RAD51B: variants seen among roughly 807,000 people sequenced by gnomAD.
RAD51B encodes the protein DNA repair protein RAD51 homolog 2.
Under a neutral mutation model 42.2 loss-of-function variants are expected in RAD51B, and 38 were observed. That is an observed-to-expected ratio of 0.90 (90% confidence interval 0.70 to 1.18). RAD51B has a LOEUF of 1.18. RAD51B is among the 50% of genes most tolerant of loss of function. The pLI is 0.00. For missense variants in RAD51B, 373 were observed against 400.7 expected, an observed-to-expected ratio of 0.93 and a Z score of 0.59; for synonymous variants, 154 against 145.2, an observed-to-expected ratio of 1.06 and a Z score of -0.43.
chr14:68,134,782 T>TTTAA (rs2077974394), intron 7 of RAD51B, among the ~76,000 whole-genome samples: 1 of 152,050 alleles, frequency 6.6e-6, no homozygotes, highest in African/African-American at 2.4e-5. Flanking sequence ...TTATTTGATT[T>TTTAA]TTTTAATGTT....
At chr14:68,422,136 A>T in intron 9 of RAD51B, 1 of 1,409,076 alleles carries the variant, frequency 7.1e-7, no homozygotes, top group Non-Finnish European at 1.0e-6. Flanking sequence ...AGCTCGAAGG[A>T]GACATGGCCC....
At chr14:68,330,249 G>A (rs562045393) in intron 8 of RAD51B, among the ~76,000 whole-genome samples, 2 of 152,290 alleles carry the variant, frequency 1.3e-5, no homozygotes, top group South Asian at 4.1e-4. Context: ...TCTCTGAAGA[G>A]CGATGAAAGT....
intron 8 of RAD51B, among the ~76,000 whole-genome samples, chr14:68,338,443 G>A (rs1055752913): frequency 2.6e-5 from 4 of 152,230 alleles, no homozygotes; most frequent in South Asian, 4.1e-4. Flanking sequence ...ACATTTGTAC[G>A]TCCTTAGTTC....
chr14:67,936,039 A>G (rs1297637615), intron 7 of RAD51B, among the ~76,000 whole-genome samples: 2 of 151,680 alleles, frequency 1.3e-5, no homozygotes, highest in Non-Finnish European at 2.9e-5. Flanking sequence ...CTTATAAAGG[A>G]CACATTATAA....
chr14:68,190,037 GATTTCAAATTAATTTCAAAATA>G (rs984381943), intron 7 of RAD51B, among the ~76,000 whole-genome samples: 2 of 152,202 alleles, frequency 1.3e-5, no homozygotes, highest in Admixed American at 6.5e-5. Flanking sequence ...GAAGTGGAAT[GATTTCAAATTAATTTCAAAATA>G]ATTTCAAATT....
intron 10 of RAD51B, among the ~76,000 whole-genome samples, chr14:68,571,563 GC>G (rs1889701968): frequency 6.6e-6 from 1 of 152,038 alleles, no homozygotes; most frequent in Non-Finnish European, 1.5e-5. Flanking sequence ...TTCCTCTTCT[GC>G]CTCCCTCTTC....
intron 8 of RAD51B, among the ~76,000 whole-genome samples, chr14:68,330,517 G>A (rs1436898291): frequency 6.6e-6 from 1 of 152,168 alleles, no homozygotes; most frequent in Non-Finnish European, 1.5e-5. Context: ...TTACCAGATT[G>A]AGGATGTACT....
chr14:68,449,451 T>C (rs1453680808), intron 9 of RAD51B, among the ~76,000 whole-genome samples: 2 of 152,342 alleles, frequency 1.3e-5, no homozygotes, highest in East Asian at 3.9e-4. Flanking sequence ...TGTCTTTTAG[T>C]AAGGCCCACC....
chr14:68,070,892 TATTG>T (rs1473144563), intron 7 of RAD51B, among the ~76,000 whole-genome samples: 2 of 152,168 alleles, frequency 1.3e-5, no homozygotes, highest in Admixed American at 1.3e-4. Context: ...ATTTTAACAA[TATTG>T]ATTCTTCTTA....
At chr14:68,053,303 T>C (rs1479240660) in intron 7 of RAD51B, among the ~76,000 whole-genome samples, 2 of 152,174 alleles carry the variant, frequency 1.3e-5, no homozygotes, top group Non-Finnish European at 2.9e-5. Context: ...GAAATTTACT[T>C]TGGAACTTAG....
intron 7 of RAD51B, among the ~76,000 whole-genome samples, chr14:68,115,544 A>T (rs1489994827): frequency 8.7e-6 from 1 of 114,790 alleles, no homozygotes; most frequent in Non-Finnish European, 1.6e-5. Context: ...TTAAAGTATA[A>T]AAAAAAAAAA....
At chr14:68,110,208 T>C (rs7147522) in intron 7 of RAD51B, among the ~76,000 whole-genome samples, 15,750 of 151,826 alleles carry the variant, frequency 0.1, 2,484 homozygotes, top group African/African-American at 0.34. Context: ...TAGGCTTGTT[T>C]TTTGAGGCAC....
chr14:68,501,201 A>G (rs1225845515), intron 10 of RAD51B, among the ~76,000 whole-genome samples: 2 of 152,210 alleles, frequency 1.3e-5, no homozygotes, highest in African/African-American at 4.8e-5. Context: ...AGATAAAGTC[A>G]GGCAAGGCTG....
intron 10 of RAD51B, among the ~76,000 whole-genome samples, chr14:68,578,701 A>G (rs958261881): frequency 6.6e-6 from 1 of 152,248 alleles, no homozygotes; most frequent in East Asian, 1.9e-4. Flanking sequence ...CAGGAAGGTG[A>G]AGCCCAAAAT....
intron 7 of RAD51B, among the ~76,000 whole-genome samples, chr14:68,040,595 A>G (rs1260208145): frequency 1.3e-5 from 2 of 152,226 alleles, no homozygotes; most frequent in African/African-American, 4.8e-5. Flanking sequence ...CTAGGCATTA[A>G]GTTAAATTGT....
intron 7 of RAD51B, among the ~76,000 whole-genome samples, chr14:68,183,717 G>A (rs150256963): frequency 6.6e-6 from 1 of 152,166 alleles, no homozygotes; most frequent in Non-Finnish European, 1.5e-5. Context: ...AAAGCCCAAG[G>A]TGGGAGGATT....
intron 10 of RAD51B, among the ~76,000 whole-genome samples, chr14:68,525,621 A>T (rs1886874212): frequency 6.6e-6 from 1 of 152,112 alleles, no homozygotes; most frequent in African/African-American, 2.4e-5. Flanking sequence ...CTTCTTGACG[A>T]GTGATGTTCC....
At chr14:68,338,616 A>G (rs558248085) in intron 8 of RAD51B, 37 of 296,796 alleles carry the variant, frequency 1.2e-4, no homozygotes, top group Admixed American at 7.7e-4. Context: ...TTTGGAGGCT[A>G]TTTAGCTATC....
chr14:67,990,688 A>T (rs2075280750), intron 7 of RAD51B, among the ~76,000 whole-genome samples: 1 of 152,220 alleles, frequency 6.6e-6, no homozygotes. Flanking sequence ...TAAGAACTAA[A>T]CAGTGGGGCT....
Sources: allele counts gnomAD v4.1 joint callset (sites outside exome capture counted in the v4.1 genomes callset), GRCh38; gene constraint gnomAD v4.1.1; transcripts MANE v1.5; gene names NCBI Gene and HGNC (gene_info 2026-07-23, HGNC 2026-07-21).